Variants in FILIP1L observed in about 807,000 individuals in gnomAD.
FILIP1L encodes the protein filamin A interacting protein 1 like, also known as filamin A-interacting protein 1-like.
A neutral mutation model predicts 96.6 loss-of-function variants in FILIP1L; 55 were observed. The ratio of observed to expected loss-of-function variants is 0.57; its 90% CI spans 0.46 to 0.71. FILIP1L has a LOEUF of 0.71. Among genes scored for constraint, FILIP1L ranks in the 30% least tolerant of loss-of-function variants. FILIP1L has a pLI of 0.00. For synonymous variants in FILIP1L, 467 were observed against 473.9 expected (o/e 0.99, Z 0.19); for missense variants, 1,304 against 1,321.2 (o/e 0.99, Z 0.20).
At chr3:99,981,332 C>T (rs190155619) in intron 1 of FILIP1L, among the ~76,000 whole-genome samples, 21 of 152,190 alleles carry the variant, frequency 1.4e-4, no homozygotes, top group African/African-American at 4.8e-4. Flanking sequence ...CGAAGCCTTC[C>T]TGAAATGACT....
chr3:100,025,610 T>C (rs1279806925), intron 1 of FILIP1L: 4 of 152,218 alleles, frequency 2.6e-5, no homozygotes, highest in Admixed American at 2.6e-4. Context: ...CTGAGCTTCC[T>C]GGTAGACAAA....
chr3:100,103,695 C>T (rs1048394868), intron 1 of FILIP1L, among the ~76,000 whole-genome samples: 1 of 152,180 alleles, frequency 6.6e-6, no homozygotes, highest in African/African-American at 2.4e-5. Flanking sequence ...TCTCTTCCAG[C>T]AGCTATTACA....
At chr3:99,837,685 G>C (rs1942957101) in intron 5 of FILIP1L, among the ~76,000 whole-genome samples, 1 of 152,174 alleles carries the variant, frequency 6.6e-6, no homozygotes, top group Admixed American at 6.5e-5. Context: ...TTCTCCTTCT[G>C]ACCTGGGAAG....
At chr3:100,023,796 C>T (rs1490750907) in intron 1 of FILIP1L, among the ~76,000 whole-genome samples, 2 of 152,156 alleles carry the variant, frequency 1.3e-5, no homozygotes, top group African/African-American at 4.8e-5. Flanking sequence ...ATGTCTTACT[C>T]TCAGGAAAGC....
At chr3:99,872,958 A>T (rs1705311370) in intron 4 of FILIP1L, among the ~76,000 whole-genome samples, 1 of 151,944 alleles carries the variant, frequency 6.6e-6, no homozygotes, top group Non-Finnish European at 1.5e-5. Flanking sequence ...GCAAAGGCTG[A>T]TAAGTGTTGG....
chr3:99,923,828 C>T (rs754830908), intron 4 of FILIP1L, among the ~76,000 whole-genome samples: 30 of 152,348 alleles, frequency 2.0e-4, no homozygotes, highest in Non-Finnish European at 2.2e-4. Flanking sequence ...TACAATCATG[C>T]CCTATGCTGT....
At chr3:100,075,576 T>C (rs1400126591) in intron 1 of FILIP1L, 1 of 151,914 alleles carries the variant, frequency 6.6e-6, no homozygotes, top group Admixed American at 6.5e-5. Context: ...TTTTTTTTTT[T>C]TTAACTGTCT....
At chr3:99,888,760 A>G (rs368576454) in intron 4 of FILIP1L, among the ~76,000 whole-genome samples, 29 of 152,320 alleles carry the variant, frequency 1.9e-4, no homozygotes, top group African/African-American at 5.3e-4. Flanking sequence ...AAGAAATTCT[A>G]TAACCATCTT....
chr3:99,904,340 A>G (rs1055748331), intron 4 of FILIP1L, among the ~76,000 whole-genome samples: 2 of 152,224 alleles, frequency 1.3e-5, no homozygotes, highest in African/African-American at 4.8e-5. Context: ...TTGCTATCCA[A>G]TCAAGTATTT....
chr3:100,087,405 G>A (rs1015500964), intron 1 of FILIP1L, among the ~76,000 whole-genome samples: 1 of 152,150 alleles, frequency 6.6e-6, no homozygotes, highest in African/African-American at 2.4e-5. Context: ...GGTTGACTGG[G>A]TTTTGTTTTC....
chr3:99,996,564 A>C (rs1259632404), intron 1 of FILIP1L, among the ~76,000 whole-genome samples: 1 of 152,186 alleles, frequency 6.6e-6, no homozygotes, highest in Non-Finnish European at 1.5e-5. Flanking sequence ...GTCAGTTTTC[A>C]TGCTGCTGAT....
At chr3:99,913,451 G>GA (rs1706856442) in intron 4 of FILIP1L, among the ~76,000 whole-genome samples, 1 of 152,154 alleles carries the variant, frequency 6.6e-6, no homozygotes, top group African/African-American at 2.4e-5. Flanking sequence ...AAGGAAAGTA[G>GA]AAAGTAAGAG....
chr3:99,946,729 G>A lies in FILIP1L; in HGVS notation c.-10-15699C>T, dbSNP rs1048314046. On this transcript the variant is annotated intron_variant, in intron 1 of 5. Coordinates refer to ENST00000477258, the MANE Select transcript of FILIP1L (RefSeq NM_001387850.1). ...AACGTGGTGGTGGCTACATCTGGAGGCCTGAATCCACAGTATTCTTATTTT... is the reference window on the plus strand; with the variant it reads ...AACGTGGTGGTGGCTACATCTGGAGACCTGAATCCACAGTATTCTTATTTT... 2.6e-5 allele frequency among the ~76,000 whole-genome samples: 4 copies of A among 152,158 alleles called. 1 individual carries two copies. The East Asian group carries it at 7.7e-4, about 29-fold the overall frequency.
intron 1 of FILIP1L, among the ~76,000 whole-genome samples, chr3:100,002,214 G>A (rs554123622): frequency 1.3e-5 from 2 of 152,280 alleles, no homozygotes; most frequent in East Asian, 1.9e-4. Context: ...GGTAAATCAC[G>A]CACAGACTGA....
rs921737520 is a variant in FILIP1L at position 99,881,298 on chromosome 3, T to C, written c.606-30228A>G. ...ACTTAGGTCCAGTCCATTTGCTTAT[T>C]TATTCCTACAAACATTTTGTGTTTC... On this transcript the variant is annotated intron_variant, in intron 4 of 5. Coordinates refer to ENST00000477258, the MANE Select transcript of FILIP1L (RefSeq NM_001387850.1). 2.0e-5 allele frequency among the ~76,000 whole-genome samples: 3 copies of C among 152,336 alleles called. No homozygotes were observed. The East Asian group carries it at 5.8e-4, about 29-fold the overall frequency.
intron 1 of FILIP1L, among the ~76,000 whole-genome samples, chr3:100,101,368 T>C (rs2066302189): frequency 6.6e-6 from 1 of 152,114 alleles, no homozygotes; most frequent in Non-Finnish European, 1.5e-5. Context: ...GAAGAAGCTT[T>C]GATATTTGGC....
chr3:99,831,422 A>G (rs1418476928), intron 5 of FILIP1L, among the ~76,000 whole-genome samples: 2 of 152,236 alleles, frequency 1.3e-5, no homozygotes, highest in African/African-American at 2.4e-5. Context: ...TGTTCTCCAC[A>G]TATTTTATAG....
At chr3:99,846,814 A>G (rs1442555434) in intron 5 of FILIP1L, among the ~76,000 whole-genome samples, 1 of 152,226 alleles carries the variant, frequency 6.6e-6, no homozygotes, top group African/African-American at 2.4e-5. Context: ...AATGAATTGT[A>G]TTTAAAATCA....
At chr3:100,054,472 A>G (rs987356150) in intron 1 of FILIP1L, among the ~76,000 whole-genome samples, 2 of 144,794 alleles carry the variant, frequency 1.4e-5, no homozygotes, top group African/African-American at 5.1e-5. Flanking sequence ...TGCTTCGTTC[A>G]TTATATTATG....
Sources: allele counts gnomAD v4.1 joint callset (sites outside exome capture counted in the v4.1 genomes callset), GRCh38; gene constraint gnomAD v4.1.1; transcripts MANE v1.5; gene names NCBI Gene and HGNC (gene_info 2026-07-23, HGNC 2026-07-21).